Variants in SOX5 observed in about 807,000 individuals in gnomAD.
The protein encoded by SOX5 is SRY-box transcription factor 5.
SOX5 carries 9 observed loss-of-function variants against 92.0 expected under a neutral mutation model. The ratio of observed to expected loss-of-function variants is 0.10; its 90% confidence interval spans 0.06 to 0.17. The LOEUF is 0.17. SOX5 is among the 10% of genes least tolerant of loss of function. SOX5 has a pLI of 1.00. For synonymous variants in SOX5, 344 were observed against 336.3 expected, an observed-to-expected ratio of 1.02 and a Z score of -0.25; for missense variants, 642 against 944.5, an observed-to-expected ratio of 0.68 and a Z score of 4.20.
intron 3 of SOX5, among the ~76,000 whole-genome samples, chr12:23,841,808 T>C (rs1284896238): frequency 1.3e-5 from 2 of 152,026 alleles, no homozygotes; most frequent in Admixed American, 1.3e-4. Flanking sequence ...GATGAATAGG[T>C]GAAACAGGAT....
chr12:24,544,944 T>G (rs1446574618), intron 1 of SOX5, among the ~76,000 whole-genome samples: 1 of 152,236 alleles, frequency 6.6e-6, no homozygotes, highest in Non-Finnish European at 1.5e-5. Context: ...TTTATAGATA[T>G]TCTTTATTTA....
intron 1 of SOX5, among the ~76,000 whole-genome samples, chr12:23,906,475 T>G (rs1288618494): frequency 1.3e-5 from 2 of 152,208 alleles, no homozygotes; most frequent in Admixed American, 1.3e-4. Context: ...AGGGAGGCAT[T>G]GTTCTTGCCT....
At chr12:23,877,360 G>GC (rs1474354343) in intron 2 of SOX5, among the ~76,000 whole-genome samples, 1 of 151,906 alleles carries the variant, frequency 6.6e-6, no homozygotes, top group African/African-American at 2.4e-5. Flanking sequence ...GAAAATACCT[G>GC]CATAGTTACA....
chr12:24,243,666 C>A (rs938418401), intron 3 of SOX5, among the ~76,000 whole-genome samples: 1 of 152,022 alleles, frequency 6.6e-6, no homozygotes, highest in Non-Finnish European at 1.5e-5. Flanking sequence ...ATTTAACTAA[C>A]CACTTATGAA....
chr12:24,309,424 AT>A (rs1948952673), intron 2 of SOX5, among the ~76,000 whole-genome samples: 1 of 152,164 alleles, frequency 6.6e-6, no homozygotes, highest in South Asian at 2.1e-4. Context: ...TATTATTGTT[AT>A]TCTCCATTTC....
At chr12:24,295,634 G>A (rs1284265695) in intron 2 of SOX5, among the ~76,000 whole-genome samples, 1 of 152,172 alleles carries the variant, frequency 6.6e-6, no homozygotes, top group East Asian at 1.9e-4. Context: ...TACAATCTTG[G>A]CTCACTGCAA....
chr12:23,958,728 TAA>T (rs5797051), intron 4 of SOX5, among the ~76,000 whole-genome samples: 3 of 148,574 alleles, frequency 2.0e-5, no homozygotes, highest in Admixed American at 6.7e-5. Flanking sequence ...GGATTTTAAG[TAA>T]AAAAAAAAAG....
chr12:23,950,792 C>T, upstream of SOX5: 1 of 1,350,746 alleles, frequency 7.4e-7, no homozygotes, highest in Non-Finnish European at 1.0e-6. Flanking sequence ...AATCTGGCAG[C>T]CGAGAAAGGT....
chr12:24,177,836 T>C (rs779313571), intron 4 of SOX5, among the ~76,000 whole-genome samples: 3 of 152,116 alleles, frequency 2.0e-5, no homozygotes, highest in Non-Finnish European at 2.9e-5. Flanking sequence ...AAACCAGTCA[T>C]TGAGTCTTTC....
At chr12:23,611,369 C>CGTGTGT (rs3030241) in intron 8 of SOX5, among the ~76,000 whole-genome samples, 89 of 137,094 alleles carry the variant, frequency 6.5e-4, no homozygotes, top group Middle Eastern at 7.4e-3. Flanking sequence ...TGTGTGTGTG[C>CGTGTGT]GTGTGTGTGT....
intron 6 of SOX5, among the ~76,000 whole-genome samples, chr12:23,683,071 C>T (rs2086893754): frequency 6.6e-6 from 1 of 151,732 alleles, no homozygotes; most frequent in Admixed American, 6.6e-5. Context: ...AGCTTTTTTA[C>T]AATTATTGTG....
rs751490719 is a variant in SOX5, at chr12:23,846,231, TGAAA to T, written c.271-42_271-39del. 207 of 1,452,524 alleles carry T rather than the reference TGAAA, an allele frequency of 1.4e-4. 1 individual carries two copies. Among genetic ancestry groups the T allele is most frequent in the African/African-American group, 1.3e-3 (96 of 71,794 alleles). 90.0% of individuals were successfully genotyped at this position (1,452,524 alleles called of 1,614,324 possible). ...GCAAAATGACAAATAATTGTTTACC[TGAAA>T]GAGAGAGCAAAAGGACAAATAATTG... On this transcript the variant is annotated intron_variant, in intron 2 of 14. Transcript: ENST00000451604.
chr12:24,427,664 A>T (rs79453062), intron 1 of SOX5, among the ~76,000 whole-genome samples: 1 of 152,210 alleles, frequency 6.6e-6, no homozygotes, highest in Non-Finnish European at 1.5e-5. Flanking sequence ...TCCATCTTCC[A>T]TCTCTTTGAG....
intron 4 of SOX5, among the ~76,000 whole-genome samples, chr12:24,029,898 T>TA (rs1208918898): frequency 8.6e-5 from 13 of 152,038 alleles, no homozygotes; most frequent in Non-Finnish European, 1.8e-4. Flanking sequence ...AAAGAAATGT[T>TA]AATATTGTAA....
rs547019434 is a variant in SOX5 at position 23,538,839 on chromosome 12, C to T, written c.1772-2170G>A. On this transcript the variant is annotated intron_variant, in intron 13 of 14. Coordinates refer to ENST00000451604, the MANE Select transcript of SOX5 (RefSeq NM_006940.6). ...TTTTTGAGACAGAGTCTTGCTCTTT[C>T]GCCCAGGCTGGAATGCAGTGGTGTG... Among the ~76,000 whole-genome samples, 83 of 135,438 alleles carry T rather than the reference C, an allele frequency of 6.1e-4. No individual in the cohort carries two copies. The South Asian group carries it at 0.011, about 17-fold the overall frequency. 88.9% of individuals were successfully genotyped at this position (135,438 alleles called of 152,430 possible).
At chr12:24,004,690 C>T (rs2136419998) in intron 4 of SOX5, among the ~76,000 whole-genome samples, 1 of 152,144 alleles carries the variant, frequency 6.6e-6, no homozygotes, top group South Asian at 2.1e-4. Context: ...AATCACGCAG[C>T]CACATTGAAC....
At chr12:24,335,972 C>CTCATATATATATATAT (rs769537310) in intron 2 of SOX5, among the ~76,000 whole-genome samples, 1 of 58,612 alleles carries the variant, frequency 1.7e-5, no homozygotes, top group African/African-American at 6.5e-5. Flanking sequence ...GAAATGCTAT[C>CTCATATATATATATAT]ATATATATAT....
chr12:23,932,501 T>C (rs1941665141), intron 1 of SOX5, among the ~76,000 whole-genome samples: 1 of 151,654 alleles, frequency 6.6e-6, no homozygotes, highest in Admixed American at 6.6e-5. Flanking sequence ...CTAATATTAT[T>C]GTGATTATAT....
chr12:23,898,659 G>T (rs2097201190), intron 1 of SOX5, among the ~76,000 whole-genome samples: 1 of 152,180 alleles, frequency 6.6e-6, no homozygotes, highest in Admixed American at 6.5e-5. Context: ...AACTGAGTGT[G>T]TATTCTCTAT....
Sources: allele counts gnomAD v4.1 joint callset (sites outside exome capture counted in the v4.1 genomes callset), GRCh38; gene constraint gnomAD v4.1.1; transcripts MANE v1.5; gene names NCBI Gene and HGNC (gene_info 2026-07-23, HGNC 2026-07-21).